IQSEC1: variants seen among roughly 807,000 people sequenced by gnomAD.
IQSEC1 encodes the protein IQ motif and Sec7 domain ArfGEF 1.
IQSEC1 carries 31 observed loss-of-function variants against 91.0 expected under a neutral mutation model. The ratio of observed to expected loss-of-function variants is 0.34; its 90% CI spans 0.26 to 0.46. IQSEC1 has a LOEUF of 0.46. Among genes scored for constraint, IQSEC1 ranks in the 20% least tolerant of loss-of-function variants. The probability of loss-of-function intolerance (pLI) is 1.00; values close to 1 mark genes in which losing one functional copy is unlikely to be tolerated. For missense variants in IQSEC1, 1,388 were observed against 1,575.6 expected (o/e 0.88, Z 2.02); for synonymous variants, 699 against 662.6 (o/e 1.05, Z -0.84).
chr3:12,978,567 G>A (rs1195013029), intron 1 of IQSEC1, among the ~76,000 whole-genome samples: 9 of 151,990 alleles, frequency 5.9e-5, no homozygotes, highest in Non-Finnish European at 1.0e-4. Context: ...TTAGCCGGGC[G>A]TGGGGCGGGT....
In IQSEC1 at chr3:13,103,490, C is replaced by G. The variant is rs914679211; in HGVS notation, c.303-55968G>C. Among the ~76,000 whole-genome samples, 2 of 151,998 alleles carry G rather than the reference C, an allele frequency of 1.3e-5. No individual in the cohort carries two copies. Among genetic ancestry groups the G allele is most frequent in the African/African-American group, 4.8e-5 (2 of 41,382 alleles). On this transcript the variant is annotated intron_variant, in intron 2 of 15. Coordinates refer to the IQSEC1 transcript ENST00000648114. The surrounding 1 kb of genome is among the most constrained non-coding windows in gnomAD (Gnocchi z 4.1). ...GTCACTGGAAGAGCTGGCCGTGCTG[C>G]CTGGATGCCATCCACACCTGTCCCC... is the stretch of plus-strand genomic sequence containing the variant.
chr3:13,171,761 C>T (rs1576281394), intron 1 of IQSEC1, among the ~76,000 whole-genome samples: 1 of 152,146 alleles, frequency 6.6e-6, no homozygotes, highest in African/African-American at 2.4e-5. Flanking sequence ...AAACCAAATC[C>T]TCCTCCCTCT....
At chr3:13,034,928 C>T (rs976611484) in intron 1 of IQSEC1, among the ~76,000 whole-genome samples, 6 of 152,236 alleles carry the variant, frequency 3.9e-5, no homozygotes, top group South Asian at 2.1e-4. Flanking sequence ...GGATCGGCCT[C>T]GCCCCGACAG....
rs996040770 is a variant in IQSEC1 at position 13,228,993 on chromosome 3, T to C, written c.272+53718A>G. 3.3e-5 allele frequency among the ~76,000 whole-genome samples: 5 copies of C among 152,354 alleles called. 1 individual carries two copies. In the South Asian group the frequency reaches 1.0e-3, roughly 32 times the overall value. On this transcript the variant is annotated intron_variant, in intron 1 of 15. Coordinates refer to the IQSEC1 transcript ENST00000648114. Reference sequence around the variant, plus strand: ...CAACTCCATCTGTCCGTCTCTCTTTTCACCACTAGAGCCTGGCCTGGTGCC... The same window carrying C: ...CAACTCCATCTGTCCGTCTCTCTTTCCACCACTAGAGCCTGGCCTGGTGCC...
At position 12,985,490 on chromosome 3, in the gene IQSEC1, T is replaced by TC. The variant is rs58897746; in HGVS notation, c.24-43626dup. On this transcript the variant is annotated intron_variant, in intron 1 of 13. Transcript: ENST00000613206. ...GACACCGTTCTTTACTGCTTAACAA[T>TC]CCCCCCCCCCCCGCCAACCGTTTGC... 7.3e-3 allele frequency among the ~76,000 whole-genome samples: 1,044 copies of TC among 143,754 alleles called. 14 individuals are homozygous for TC. The highest frequency in any genetic ancestry group is 0.013 in the South Asian group (57 of 4,312). 94.3% of individuals were successfully genotyped at this position (143,754 alleles called of 152,430 possible). A position where few individuals can be genotyped will look rare whatever the true frequency, so the allele number is the denominator to read the frequency against.
chr3:12,929,717 C>T (rs191160822), intron 3 of IQSEC1, among the ~76,000 whole-genome samples: 8 of 152,296 alleles, frequency 5.3e-5, no homozygotes, highest in Admixed American at 1.3e-4. Flanking sequence ...CTTCTTGATT[C>T]CACCCTGTAA....
chr3:13,269,206 A>G (rs1372319851), intron 1 of IQSEC1, among the ~76,000 whole-genome samples: 1 of 152,204 alleles, frequency 6.6e-6, no homozygotes, highest in Non-Finnish European at 1.5e-5. Flanking sequence ...AACTCAGGCC[A>G]ACACTCCTGC....
At chr3:12,906,669 C>T (rs919345409) in intron 12 of IQSEC1, among the ~76,000 whole-genome samples, 2 of 152,214 alleles carry the variant, frequency 1.3e-5, no homozygotes, top group Admixed American at 6.5e-5. Context: ...GTGGGCCCAC[C>T]CCTCACACGA....
chr3:13,176,155 C>T (rs1376242965), intron 1 of IQSEC1, among the ~76,000 whole-genome samples: 1 of 152,204 alleles, frequency 6.6e-6, no homozygotes, highest in Non-Finnish European at 1.5e-5. Flanking sequence ...GAACTGAGGC[C>T]TCCTGCCAAA....
chr3:12,905,295 CAG>C (rs1171905862), intron 12 of IQSEC1, among the ~76,000 whole-genome samples: 1 of 152,264 alleles, frequency 6.6e-6, no homozygotes, highest in East Asian at 1.9e-4. Context: ...TCAGCTTCCT[CAG>C]AGTCAGGGCA....
chr3:13,114,145 T>G (rs1413481180), intron 2 of IQSEC1, among the ~76,000 whole-genome samples: 1 of 152,170 alleles, frequency 6.6e-6, no homozygotes, highest in Non-Finnish European at 1.5e-5. Flanking sequence ...GGGCCAGAAG[T>G]GACTTCAGCC....
At chr3:13,200,114 CAT>C (rs1213743236) in intron 1 of IQSEC1, among the ~76,000 whole-genome samples, 5 of 150,048 alleles carry the variant, frequency 3.3e-5, no homozygotes, top group African/African-American at 1.2e-4. Flanking sequence ...CGCACACACA[CAT>C]ACACCACAGA....
In IQSEC1 at chr3:12,935,690, G is replaced by A. The variant is rs751533714; in HGVS notation, c.1326C>T (p.Asn442=). Residue 442 remains asparagine, a synonymous_variant, in exon 3 of 14, where the codon AAC becomes AAT. Coordinates refer to ENST00000613206, the MANE Select transcript of IQSEC1 (RefSeq NM_001134382.3). The surrounding 1 kb of genome is among the most constrained non-coding windows in gnomAD (Gnocchi z 8.0). ...AGTCCGACTCAGACTTGCTCTGCCGGTTGGCTGAGCCATTGATGGCCAAGT... is the reference window on the plus strand; with the variant it reads ...AGTCCGACTCAGACTTGCTCTGCCGATTGGCTGAGCCATTGATGGCCAAGT... The part of the protein sequence containing the change: ...DSHLAINGSA[N]RQSKSESDYS... The A allele has an allele frequency of 6.2e-7, 1 of 1,613,682 alleles. No individual in the cohort carries two copies. Among genetic ancestry groups the A allele is most frequent in the Non-Finnish European group, 8.5e-7 (1 of 1,180,016 alleles).
At chr3:13,062,952 C>T (rs1705116966) in intron 1 of IQSEC1, among the ~76,000 whole-genome samples, 1 of 152,224 alleles carries the variant, frequency 6.6e-6, no homozygotes, top group African/African-American at 2.4e-5. Flanking sequence ...TCTGACAGGA[C>T]CTTCATCCTT....
intron 1 of IQSEC1, among the ~76,000 whole-genome samples, chr3:12,972,713 G>T (rs1308249899): frequency 6.6e-6 from 1 of 152,186 alleles, no homozygotes; most frequent in Non-Finnish European, 1.5e-5. Context: ...ATGTGCCCCA[G>T]AACTATAAAC....
Position 12,909,360 on chromosome 3 carries a change from G to C in IQSEC1, c.2491C>G (p.Pro831Ala), listed in dbSNP as rs1319696371. 1.9e-6 allele frequency: 3 copies of C among 1,614,098 alleles called. No individual in the cohort carries two copies. Among genetic ancestry groups the C allele is most frequent in the Non-Finnish European group, 2.5e-6 (3 of 1,180,038 alleles). ...DIKVLINFNAPNPQDRKKFTD... is the reference protein window; with the variant it reads ...DIKVLINFNAANPQDRKKFTD... Reference sequence around the variant, plus strand: ...AATTTCTTCCGGTCTTGAGGGTTGGGGGCGTTGAAGTTTATTAACACTTTG... The same window carrying C: ...AATTTCTTCCGGTCTTGAGGGTTGGCGGCGTTGAAGTTTATTAACACTTTG... Residue 831 changes from proline (P) to alanine (A), a missense_variant, in exon 11 of 14, where the codon CCC becomes GCC. Around this residue, in one of 2 missense-constraint regions of IQSEC1, gnomAD observed 1,059 missense variants for 1,317.8 expected, o/e 0.80. Coordinates refer to ENST00000613206, the MANE Select transcript of IQSEC1 (RefSeq NM_001134382.3). This position sits in a 1 kb window ranked among gnomAD's most constrained non-coding sequence, Gnocchi z 4.9.
At chr3:13,209,936 G>A (rs1176063615) in intron 1 of IQSEC1, among the ~76,000 whole-genome samples, 1 of 152,146 alleles carries the variant, frequency 6.6e-6, no homozygotes, top group Non-Finnish European at 1.5e-5. Context: ...CCATTGCTAT[G>A]CAGTGGGGGC....
intron 1 of IQSEC1, among the ~76,000 whole-genome samples, chr3:12,999,219 AC>A (rs978608198): frequency 1.8e-4 from 28 of 152,092 alleles, no homozygotes; most frequent in African/African-American, 6.5e-4. Context: ...TAAGACGAGT[AC>A]TAAGACTCCT....
intron 2 of IQSEC1, among the ~76,000 whole-genome samples, chr3:13,118,628 A>G (rs1286556080): frequency 2.0e-5 from 3 of 152,220 alleles, no homozygotes; most frequent in East Asian, 3.8e-4. Flanking sequence ...GACCTGAAGT[A>G]GAATGGTGCT....
Sources: gnomAD v4.1 joint callset for allele counts (sites outside exome capture counted in the v4.1 genomes callset) on GRCh38, gnomAD v4.1.1 for gene constraint, gnomAD v4.1.1 regional missense constraint, Gnocchi (gnomAD v3.1) non-coding constraint, MANE v1.5 for transcripts, NCBI Gene and HGNC (gene_info 2026-07-23, HGNC 2026-07-21) for gene names.